The following LARGE1 variants were observed in gnomAD, a reference collection of about 807,000 sequenced individuals.
LARGE1 encodes LARGE xylosyl- and glucuronyltransferase 1, also known as xylosyl- and glucuronyltransferase LARGE1.
Under a neutral mutation model 87.6 loss-of-function variants are expected in LARGE1, and 43 were observed. The observed-to-expected ratio is 0.49, with a 90% CI of 0.38 to 0.63. LARGE1 has a LOEUF of 0.63. Among genes scored for constraint, LARGE1 ranks in the 30% least tolerant of loss-of-function variants. The pLI is 0.00. For missense variants in LARGE1, 802 were observed against 1,000.2 expected (o/e 0.80, Z 2.67); for synonymous variants, 434 against 394.6 (o/e 1.10, Z -1.18).
chr22:33,169,015 G>T (rs145381271), intron 11 of LARGE1, among the ~76,000 whole-genome samples: 9 of 152,270 alleles, frequency 5.9e-5, no homozygotes, highest in African/African-American at 1.9e-4. Flanking sequence ...ACTGATGATT[G>T]TCAAAGATAA....
At chr22:33,853,002 C>T (rs886129149) in intron 1 of LARGE1, among the ~76,000 whole-genome samples, 3 of 151,988 alleles carry the variant, frequency 2.0e-5, no homozygotes, top group Non-Finnish European at 2.9e-5. Context: ...CAGGCAAGCC[C>T]TCCGCCATAT....
At chr22:33,541,066 G>GGGGGGGGGGGGGGGGGT (rs1491031278) in intron 6 of LARGE1, among the ~76,000 whole-genome samples, 1 of 97,706 alleles carries the variant, frequency 1.0e-5, no homozygotes. Context: ...GGGGGGGGGG[G>GGGGGGGGGGGGGGGGGT]GCGGGGGGCG....
chr22:33,758,792 C>T (rs1266432457), intron 2 of LARGE1, among the ~76,000 whole-genome samples: 1 of 152,162 alleles, frequency 6.6e-6, no homozygotes, highest in Non-Finnish European at 1.5e-5. Context: ...TTTGGGAAAC[C>T]ATGCCATTTG....
At chr22:33,264,979 C>T (rs1377945417) in intron 11 of LARGE1, among the ~76,000 whole-genome samples, 1 of 132,786 alleles carries the variant, frequency 7.5e-6, no homozygotes, top group Non-Finnish European at 1.5e-5. Context: ...GGGCTCACTT[C>T]AACCTCTGCT....
intron 7 of LARGE1, among the ~76,000 whole-genome samples, chr22:33,387,912 T>C (rs1569118223): frequency 6.6e-6 from 1 of 152,214 alleles, no homozygotes; most frequent in Non-Finnish European, 1.5e-5. Flanking sequence ...ATTAAAGCAT[T>C]ACAGATAAAT....
chr22:33,900,272 G>GT (rs1451748759), intron 1 of LARGE1, among the ~76,000 whole-genome samples: 1 of 152,178 alleles, frequency 6.6e-6, no homozygotes, highest in Non-Finnish European at 1.5e-5. Flanking sequence ...CAGCTCCCGG[G>GT]TGGTGCTCCC....
intron 2 of LARGE1, among the ~76,000 whole-genome samples, chr22:33,745,051 C>T (rs112117781): frequency 2.0e-5 from 3 of 152,118 alleles, no homozygotes; most frequent in East Asian, 1.9e-4. Flanking sequence ...CACTAAGGAC[C>T]GAGGGAAGGA....
intron 2 of LARGE1, among the ~76,000 whole-genome samples, chr22:33,748,135 G>T (rs183516365): frequency 0.062 from 7,877 of 126,704 alleles, 315 homozygotes; most frequent in South Asian, 0.24. Context: ...ATGCAGGTTT[G>T]TTTTTTTTTT....
In LARGE1 at chr22:33,373,972, C is replaced by CAAAAAA. The variant is rs35830988; in HGVS notation, c.1131+7941_1131+7946dup. ...CTGGGGATAGAGTGAGACTCCGTCT[C>CAAAAAA]AAAAAAAAAAAAAAAAAAAAAAAGT... On this transcript the variant is annotated intron_variant, in intron 9 of 14. Transcript: ENST00000397394. Among the ~76,000 whole-genome samples, 146 of 59,440 alleles carry CAAAAAA rather than the reference C, an allele frequency of 2.5e-3. 12 individuals are homozygous for CAAAAAA. Among genetic ancestry groups the CAAAAAA allele is most frequent in the African/African-American group, 8.6e-3 (124 of 14,380 alleles). The allele number at this position is 59,440 out of a possible 152,430, so 39.0% of individuals were successfully genotyped here.
At chr22:33,411,094 C>T (rs1345410452) in intron 7 of LARGE1, among the ~76,000 whole-genome samples, 3 of 152,152 alleles carry the variant, frequency 2.0e-5, no homozygotes, top group Admixed American at 6.5e-5. Context: ...ATGCTTGGGT[C>T]GTAACTCCTG....
chr22:33,675,680 C>T (rs190174021), intron 2 of LARGE1, among the ~76,000 whole-genome samples: 75 of 152,222 alleles, frequency 4.9e-4, no homozygotes, highest in Non-Finnish European at 8.5e-4. Context: ...ATACCTGGTA[C>T]CACAATTTTG....
chr22:33,604,397 A>G (rs950172520), intron 5 of LARGE1, 38 bp downstream of exon 5: 1 of 1,613,502 alleles, frequency 6.2e-7, no homozygotes, highest in Non-Finnish European at 8.5e-7. Flanking sequence ...GCTTCCAGCT[A>G]GAGGAGATCA....
In LARGE1 at chr22:33,696,593, G is replaced by A. The variant is rs182844680; in HGVS notation, c.107-45925C>T. ...CAGCAGACCTTTCTTTAAAGGGGAT[G>A]AACCATTTATATTCCCACCAGTAAT... On this transcript the variant is annotated intron_variant, in intron 2 of 14. Coordinates refer to ENST00000397394, the MANE Select transcript of LARGE1 (RefSeq NM_133642.5). 2.5e-4 allele frequency among the ~76,000 whole-genome samples: 38 copies of A among 152,206 alleles called. 2 individuals carry two copies. Among genetic ancestry groups the A allele is most frequent in the Middle Eastern group, 3.4e-3 (1 of 294 alleles).
chr22:33,457,738 C>A (rs1314397857), intron 6 of LARGE1, among the ~76,000 whole-genome samples: 1 of 152,036 alleles, frequency 6.6e-6, no homozygotes, highest in African/African-American at 2.4e-5. Context: ...ACAAGGGAGG[C>A]AGCATTTGTG....
intron 7 of LARGE1, among the ~76,000 whole-genome samples, chr22:33,423,588 G>A (rs1319275352): frequency 2.7e-5 from 4 of 150,884 alleles, no homozygotes; most frequent in African/African-American, 7.3e-5. Flanking sequence ...GCTGAGGCGC[G>A]GGAATGGCTT....
At chr22:33,275,348 C>G (rs1569002644) in intron 14 of LARGE1, among the ~76,000 whole-genome samples, 1 of 152,178 alleles carries the variant, frequency 6.6e-6, no homozygotes, top group Non-Finnish European at 1.5e-5. Flanking sequence ...TTACTCAGAT[C>G]TATTTACTCT....
chr22:33,208,707 C>T (rs1035891500), intron 11 of LARGE1, among the ~76,000 whole-genome samples: 6 of 152,236 alleles, frequency 3.9e-5, no homozygotes, highest in African/African-American at 7.2e-5. Flanking sequence ...TTTCTCCTAA[C>T]GCTATCCCTG....
intron 11 of LARGE1, among the ~76,000 whole-genome samples, chr22:33,194,488 A>G (rs750462339): frequency 4.6e-5 from 7 of 152,100 alleles, no homozygotes; most frequent in Non-Finnish European, 7.4e-5. Flanking sequence ...AGTTTATTCA[A>G]TTGATTAAAT....
intron 2 of LARGE1, among the ~76,000 whole-genome samples, chr22:33,695,744 T>G (rs918091305): frequency 6.6e-6 from 1 of 152,202 alleles, no homozygotes; most frequent in African/African-American, 2.4e-5. Context: ...CCCGCCTTCA[T>G]GGTAAAAGTT....
Sources: allele counts gnomAD v4.1 joint callset (sites outside exome capture counted in the v4.1 genomes callset), GRCh38; gene constraint gnomAD v4.1.1; transcripts MANE v1.5; gene names NCBI Gene and HGNC (gene_info 2026-07-23, HGNC 2026-07-21).